The following CSMD1 variants were observed in gnomAD, a reference collection of about 807,000 sequenced individuals.
CSMD1 encodes the protein CUB and sushi domain-containing protein 1.
CSMD1 carries 213 observed loss-of-function variants against 417.5 expected under a neutral mutation model. That is an observed-to-expected ratio of 0.51 (90% confidence interval 0.46 to 0.57). The LOEUF is 0.57. Among genes scored for constraint, CSMD1 ranks in the 20% least tolerant of loss-of-function variants. CSMD1 has a pLI of 0.00. For synonymous variants in CSMD1, 2,862 were observed against 1,736.8 expected (o/e 1.65, Z -16.11); for missense variants, 6,923 against 4,529.7 (o/e 1.53, Z -15.17).
chr8:3,195,126 A>G (rs1298054487), intron 33 of CSMD1, among the ~76,000 whole-genome samples: 4 of 152,224 alleles, frequency 2.6e-5, no homozygotes, highest in African/African-American at 2.4e-5. Flanking sequence ...TTACAGAAAT[A>G]GGCCTTTTAT....
chr8:4,864,462 C>A (rs1802310641), intron 1 of CSMD1, among the ~76,000 whole-genome samples: 1 of 151,826 alleles, frequency 6.6e-6, no homozygotes, highest in Non-Finnish European at 1.5e-5. Context: ...CTTCAATAGA[C>A]AAAAATCATT....
intron 5 of CSMD1, among the ~76,000 whole-genome samples, chr8:3,783,788 A>G (rs1799306052): frequency 6.6e-6 from 1 of 152,170 alleles, no homozygotes; most frequent in Non-Finnish European, 1.5e-5. Flanking sequence ...CGCATAGGAG[A>G]CACTGAGGCT....
intron 12 of CSMD1, among the ~76,000 whole-genome samples, chr8:3,424,970 G>A (rs1025026687): frequency 5.3e-5 from 8 of 152,108 alleles, no homozygotes; most frequent in Non-Finnish European, 1.2e-4. Context: ...GAGTGGCTGG[G>A]ACAACAGGTA....
intron 2 of CSMD1, among the ~76,000 whole-genome samples, chr8:4,615,845 T>C (rs1241373750): frequency 1.3e-5 from 2 of 152,184 alleles, no homozygotes; most frequent in African/African-American, 4.8e-5. Context: ...CTTTTTCTGA[T>C]ATATTATTCT....
At chr8:4,865,707 C>T (rs1270082682) in intron 1 of CSMD1, among the ~76,000 whole-genome samples, 1 of 151,666 alleles carries the variant, frequency 6.6e-6, no homozygotes, top group Non-Finnish European at 1.5e-5. Context: ...CAGATTTGTT[C>T]TAATGCAAAA....
chr8:3,264,653 G>C (rs112679585), intron 26 of CSMD1, among the ~76,000 whole-genome samples: 22 of 152,314 alleles, frequency 1.4e-4, no homozygotes, highest in African/African-American at 5.3e-4. Flanking sequence ...TCTAAGGGAA[G>C]TACTCATCAA....
intron 1 of CSMD1, among the ~76,000 whole-genome samples, chr8:4,719,282 G>C (rs1808892019): frequency 6.6e-6 from 1 of 152,146 alleles, no homozygotes; most frequent in South Asian, 2.1e-4. Context: ...AATTAACAAA[G>C]TAGATAAATA....
Position 3,742,887 on chromosome 8 carries a change from G to A in CSMD1, c.931+11043C>T, listed in dbSNP as rs571922253. On this transcript the variant is annotated intron_variant, in intron 6 of 69. Coordinates refer to ENST00000635120, the MANE Select transcript of CSMD1 (RefSeq NM_033225.6). ...TTTCTAAATGTGTTATGACTGCAAT[G>A]GATAACAGAGTATTTCCGTGCGAAT... is the stretch of plus-strand genomic sequence containing the variant. 4.6e-5 allele frequency among the ~76,000 whole-genome samples: 7 copies of A among 152,334 alleles called. No homozygotes were observed. The East Asian group carries it at 7.7e-4, about 17-fold the overall frequency.
chr8:3,790,511 G>A lies in CSMD1; in HGVS notation c.819-36469C>T, dbSNP rs187607826. Among the ~76,000 whole-genome samples, 10 of 152,222 alleles carry A rather than the reference G, an allele frequency of 6.6e-5. No individual in the cohort carries two copies. In the South Asian group the frequency reaches 1.2e-3, roughly 19 times the overall value. ...TGGTGAGAGTGATGGTAATTATGACGGTGATAACCGTGTGATGGTGATAAT... is the reference window on the plus strand; with the variant it reads ...TGGTGAGAGTGATGGTAATTATGACAGTGATAACCGTGTGATGGTGATAAT... On this transcript the variant is annotated intron_variant, in intron 5 of 69. Coordinates refer to ENST00000635120, the MANE Select transcript of CSMD1 (RefSeq NM_033225.6).
chr8:4,934,554 G>A (rs1004828752), intron 1 of CSMD1, among the ~76,000 whole-genome samples: 3 of 152,086 alleles, frequency 2.0e-5, no homozygotes, highest in African/African-American at 2.4e-5. Context: ...GGAACGAGAT[G>A]GAGACTGCAA....
chr8:4,603,587 G>C (rs530365168), intron 2 of CSMD1, among the ~76,000 whole-genome samples: 1 of 152,184 alleles, frequency 6.6e-6, no homozygotes, highest in African/African-American at 2.4e-5. Flanking sequence ...CATTTAGCTA[G>C]CTTTGCAAAA....
chr8:4,725,824 T>A (rs1288931409), intron 1 of CSMD1, among the ~76,000 whole-genome samples: 1 of 152,154 alleles, frequency 6.6e-6, no homozygotes, highest in Non-Finnish European at 1.5e-5. Flanking sequence ...CTGAGTGTAA[T>A]GTTCACGACG....
intron 3 of CSMD1, among the ~76,000 whole-genome samples, chr8:4,272,333 C>A (rs909480911): frequency 2.0e-5 from 3 of 152,020 alleles, no homozygotes; most frequent in Non-Finnish European, 4.4e-5. Context: ...CTACATTGAA[C>A]AAAAGCATGT....
At chr8:4,162,196 T>C (rs1018031372) in intron 3 of CSMD1, among the ~76,000 whole-genome samples, 1 of 152,198 alleles carries the variant, frequency 6.6e-6, no homozygotes, top group East Asian at 1.9e-4. Flanking sequence ...CTTTCCAAAA[T>C]TATATGCATG....
intron 25 of CSMD1, among the ~76,000 whole-genome samples, chr8:3,301,456 G>T (rs1418180019): frequency 6.6e-6 from 1 of 152,062 alleles, no homozygotes; most frequent in Admixed American, 6.6e-5. Flanking sequence ...CAGAAGGAAG[G>T]TAACTGATGA....
intron 1 of CSMD1, among the ~76,000 whole-genome samples, chr8:4,773,116 A>G (rs1486133318): frequency 6.6e-6 from 1 of 152,156 alleles, no homozygotes; most frequent in East Asian, 1.9e-4. Context: ...TTGCATATAT[A>G]TTACCAGTTG....
intron 3 of CSMD1, among the ~76,000 whole-genome samples, chr8:4,303,585 T>C (rs1563420021): frequency 6.6e-6 from 1 of 152,124 alleles, no homozygotes; most frequent in Non-Finnish European, 1.5e-5. Context: ...GGTGACTGTG[T>C]GGCACCTTCT....
chr8:4,391,146 G>A (rs1224428717), intron 3 of CSMD1, among the ~76,000 whole-genome samples: 1 of 152,184 alleles, frequency 6.6e-6, no homozygotes, highest in Non-Finnish European at 1.5e-5. Context: ...GATAATGCCT[G>A]TGCTCAGGCA....
chr8:4,076,149 C>T (rs1393058612), intron 3 of CSMD1, among the ~76,000 whole-genome samples: 1 of 152,108 alleles, frequency 6.6e-6, no homozygotes, highest in Non-Finnish European at 1.5e-5. Context: ...CTGAATCATG[C>T]GTGTGGTTGC....
Sources: gnomAD v4.1 joint callset for allele counts (sites outside exome capture counted in the v4.1 genomes callset) on GRCh38, gnomAD v4.1.1 for gene constraint, MANE v1.5 for transcripts, NCBI Gene and HGNC (gene_info 2026-07-23, HGNC 2026-07-21) for gene names.